BANP: variants seen among roughly 807,000 people sequenced by gnomAD.
BANP encodes BTG3 associated nuclear protein, also known as protein BANP.
BANP carries 11 observed loss-of-function variants against 68.1 expected under a neutral mutation model. The ratio of observed to expected loss-of-function variants is 0.16; its 90% confidence interval spans 0.10 to 0.27. The LOEUF (loss-of-function observed/expected upper bound fraction) is 0.27. Among genes scored for constraint, BANP ranks in the 10% least tolerant of loss-of-function variants. The pLI is 1.00. For synonymous variants in BANP, 329 were observed against 303.2 expected (o/e 1.09, Z -0.88); for missense variants, 504 against 722.7 (o/e 0.70, Z 3.47).
At chr16:87,967,154 G>T (rs914036573) in intron 1 of BANP, among the ~76,000 whole-genome samples, 1 of 152,188 alleles carries the variant, frequency 6.6e-6, no homozygotes, top group Non-Finnish European at 1.5e-5. Flanking sequence ...GCTCTGGGGA[G>T]AGCAGGTACT....
upstream of BANP, among the ~76,000 whole-genome samples, chr16:87,949,991 CCTCAGCCTCCCGA>C (rs1479805890): frequency 2.0e-5 from 3 of 151,966 alleles, no homozygotes; most frequent in African/African-American, 7.3e-5. Flanking sequence ...CATTCTCCCG[CCTCAGCCTCCCGA>C]GTAGCTGGGA....
chr16:87,970,851 C>G (rs1391497841), intron 1 of BANP, among the ~76,000 whole-genome samples: 1 of 152,086 alleles, frequency 6.6e-6, no homozygotes, highest in African/African-American at 2.4e-5. Context: ...AACCCCGTCT[C>G]TACTAAAATA....
At chr16:88,066,998 G>C (rs1317394355) in intron 12 of BANP, among the ~76,000 whole-genome samples, 1 of 152,212 alleles carries the variant, frequency 6.6e-6, no homozygotes, top group Non-Finnish European at 1.5e-5. Context: ...GGAGGTACCA[G>C]GCAAATTATT....
At chr16:88,005,705 C>T (rs2070827465) in intron 5 of BANP, among the ~76,000 whole-genome samples, 1 of 152,220 alleles carries the variant, frequency 6.6e-6, no homozygotes, top group Admixed American at 6.5e-5. Context: ...ATCGAATTGA[C>T]CCAGGCCTCT....
In BANP at chr16:88,064,594, G is replaced by T. The variant is rs955413929; in HGVS notation, c.1312-673G>T. The stretch of plus-strand genomic sequence containing the variant: ...GGGCATCGCCAGGCTGGGCGCCTGT[G>T]TGGCACCACGTGGCACTCCCCGAGG... On this transcript the variant is annotated intron_variant, in intron 11 of 13. Coordinates refer to ENST00000682872, the MANE Select transcript of BANP (RefSeq NM_001386991.1). The surrounding 1 kb of genome is among the most constrained non-coding windows in gnomAD (Gnocchi z 4.5). 6.6e-6 allele frequency among the ~76,000 whole-genome samples: 1 copy of T among 152,256 alleles called. No individual in the cohort carries two copies. The highest frequency in any genetic ancestry group is 1.5e-5 in the Non-Finnish European group (1 of 68,046).
chr16:87,971,075 T>A (rs2061028066), intron 1 of BANP, among the ~76,000 whole-genome samples: 1 of 152,058 alleles, frequency 6.6e-6, no homozygotes, highest in Admixed American at 6.6e-5. Context: ...ATTGTAACAT[T>A]TGTTTTTGTT....
chr16:87,995,037 TG>T (rs55982523), intron 4 of BANP, among the ~76,000 whole-genome samples: 98,126 of 151,892 alleles, frequency 0.65, 32,237 homozygotes, highest in African/African-American at 0.73. Flanking sequence ...CTTATGGCCT[TG>T]GGGGTCCTCA....
At position 88,064,079 on chromosome 16, in the gene BANP, C is replaced by G. The variant is rs7500095; in HGVS notation, c.1312-1188C>G. 0.28 allele frequency among the ~76,000 whole-genome samples: 42,098 copies of G among 151,862 alleles called. 6,822 individuals are homozygous for G. The highest frequency in any genetic ancestry group is 0.38 in the Non-Finnish European group (25,936 of 67,904). ...CACAGACATTGTTGCTGCCTTGGAA[C>G]AAGGTGTGGGGGCCAACCACAAGCA... On this transcript the variant is annotated intron_variant, in intron 11 of 13. Coordinates refer to ENST00000682872, the MANE Select transcript of BANP (RefSeq NM_001386991.1). The surrounding 1 kb of genome is among the most constrained non-coding windows in gnomAD (Gnocchi z 4.5).
intron 1 of BANP, among the ~76,000 whole-genome samples, chr16:87,966,304 C>G (rs1043678847): frequency 6.6e-6 from 1 of 152,124 alleles, no homozygotes; most frequent in African/African-American, 2.4e-5. Flanking sequence ...TCTTGGTGGA[C>G]TTGGTAGGGT....
At chr16:88,073,627 G>A (rs72818572) in intron 13 of BANP, among the ~76,000 whole-genome samples, 15,120 of 152,216 alleles carry the variant, frequency 0.099, 1,159 homozygotes, top group African/African-American at 0.22. Flanking sequence ...TGGCCTGTCC[G>A]TGAAGAACAG....
intron 11 of BANP, among the ~76,000 whole-genome samples, chr16:88,061,843 T>C (rs2086900668): frequency 6.6e-6 from 1 of 152,042 alleles, no homozygotes. Context: ...TTTTGTATTT[T>C]TAATGGAGAC....
intron 6 of BANP, among the ~76,000 whole-genome samples, chr16:88,011,675 A>G (rs891484423): frequency 7.2e-5 from 11 of 152,216 alleles, no homozygotes; most frequent in African/African-American, 2.4e-4. Context: ...ACAGGTGTCT[A>G]AAATTCTCAA....
At chr16:88,074,059 A>G (rs1025187208) in intron 13 of BANP, among the ~76,000 whole-genome samples, 41 of 152,338 alleles carry the variant, frequency 2.7e-4, no homozygotes, top group African/African-American at 9.6e-4. Context: ...CTTGTCACCA[A>G]GGGCCCAGCT....
At position 88,033,169 on chromosome 16, in the gene BANP, A is replaced by G. The variant is rs371996005; in HGVS notation, c.1124A>G (p.Gln375Arg). The change falls in exon 9 of 14, where the codon CAG becomes CGG. Residue 375 changes from glutamine (Q) to arginine (R), a missense_variant. This residue lies in a region of BANP where 223 missense variants were observed against 246.2 expected (regional missense o/e 0.91). Coordinates refer to ENST00000682872, the MANE Select transcript of BANP (RefSeq NM_001386991.1). ...SELPQPQPQPQALHYALANAQ... is the reference protein window; with the variant it reads ...SELPQPQPQPRALHYALANAQ... ...CTCCCGCAGCCACAGCCGCAGCCGC[A>G]GGCCCTGCACTACGCGCTGGCCAAC... 27 of 1,611,330 alleles carry G rather than the reference A, an allele frequency of 1.7e-5. No individual in the cohort carries two copies. The highest frequency in any genetic ancestry group is 2.2e-5 in the Non-Finnish European group (26 of 1,177,924).
At chr16:88,040,044 C>T (rs893453064) in intron 11 of BANP, among the ~76,000 whole-genome samples, 4 of 152,182 alleles carry the variant, frequency 2.6e-5, no homozygotes, top group Non-Finnish European at 2.9e-5. Context: ...TTCCTATTAT[C>T]GGTCACATTT....
chr16:88,004,433 C>G lies in BANP; in HGVS notation c.479+22C>G, dbSNP rs1056994745. Reference sequence around the variant, plus strand: ...GCAAGTCAGTAGCACGGCACCAACCCCACCTTTCCCTGCCACTGTGCGGAG... The same window carrying G: ...GCAAGTCAGTAGCACGGCACCAACCGCACCTTTCCCTGCCACTGTGCGGAG... On this transcript the variant is annotated intron_variant, in intron 5 of 13. Transcript: ENST00000682872. This position sits in a 1 kb window ranked among gnomAD's most constrained non-coding sequence, Gnocchi z 7.0. 7.6e-7 allele frequency: 1 copy of G among 1,315,116 alleles called. No individual in the cohort carries two copies. The highest frequency in any genetic ancestry group is 1.1e-6 in the Non-Finnish European group (1 of 945,056). The allele number at this position is 1,315,116 out of a possible 1,614,324, so 81.5% of individuals were successfully genotyped here. A position where few individuals can be genotyped will look rare whatever the true frequency, so the allele number is the denominator to read the frequency against.
rs1230905685 is a variant in BANP at position 88,027,666 on chromosome 16, C to T, written c.1063+16C>T. ...TGCCCTTCAGGTAGGCCTCGTGCTG[C>T]AGGAGAGGCCGCCCTCCCCCGCTCG... On this transcript the variant is annotated intron_variant, in intron 8 of 13. Transcript: ENST00000682872. The T allele has an allele frequency of 3.7e-6, 6 of 1,612,044 alleles. No homozygotes were observed. Among genetic ancestry groups the T allele is most frequent in the Non-Finnish European group, 5.1e-6 (6 of 1,179,608 alleles).
intron 5 of BANP, among the ~76,000 whole-genome samples, chr16:88,005,580 G>A (rs934483113): frequency 2.8e-4 from 43 of 152,218 alleles, no homozygotes; most frequent in Admixed American, 2.0e-3. Flanking sequence ...TGGCAGCTCC[G>A]ATGGGATCTC....
chr16:87,996,667 G>T (rs528259841), intron 4 of BANP, among the ~76,000 whole-genome samples: 10 of 152,022 alleles, frequency 6.6e-5, no homozygotes, highest in Non-Finnish European at 1.2e-4. Context: ...CTGGTTCTGA[G>T]TGTTGCTGGG....
Sources: gnomAD v4.1 joint callset for allele counts (sites outside exome capture counted in the v4.1 genomes callset) on GRCh38, gnomAD v4.1.1 for gene constraint, gnomAD v4.1.1 regional missense constraint, Gnocchi (gnomAD v3.1) non-coding constraint, MANE v1.5 for transcripts, NCBI Gene and HGNC (gene_info 2026-07-23, HGNC 2026-07-21) for gene names.